Variants in GMDS observed in about 807,000 individuals in gnomAD.
GMDS encodes GDP-mannose 4,6-dehydratase, also known as GDP-mannose 4,6 dehydratase.
In GMDS, 20 loss-of-function variants were observed where a neutral mutation model predicts 49.9. The ratio of observed to expected loss-of-function variants is 0.40; its 90% CI spans 0.28 to 0.58. The LOEUF (loss-of-function observed/expected upper bound fraction) is 0.58, where lower values mean the gene tolerates loss of function less well. Among genes scored for constraint, GMDS ranks in the 20% least tolerant of loss-of-function variants. The probability of loss-of-function intolerance (pLI) is 0.42; values close to 1 mark genes in which losing one functional copy is unlikely to be tolerated. For missense variants in GMDS, 362 were observed against 481.4 expected (o/e 0.75, Z 2.32); for synonymous variants, 177 against 178.6 (o/e 0.99, Z 0.07).
intron 4 of GMDS, among the ~76,000 whole-genome samples, chr6:2,088,446 C>T (rs144611912): frequency 2.6e-5 from 4 of 152,154 alleles, no homozygotes; most frequent in Non-Finnish European, 5.9e-5. Flanking sequence ...TAATGAACCA[C>T]CAGTGAATGC....
chr6:1,799,321 A>C (rs1769856991), intron 7 of GMDS, among the ~76,000 whole-genome samples: 1 of 152,196 alleles, frequency 6.6e-6, no homozygotes, highest in African/African-American at 2.4e-5. Context: ...TATGGATTTA[A>C]TCTCTAACGA....
chr6:1,951,865 T>C, intron 6 of GMDS: 2 of 982,770 alleles, frequency 2.0e-6, no homozygotes, highest in Non-Finnish European at 2.4e-6. Context: ...AGCAAACTAA[T>C]GGTCTTTTAC....
chr6:2,189,495 C>A (rs577226405), intron 1 of GMDS, among the ~76,000 whole-genome samples: 10 of 152,256 alleles, frequency 6.6e-5, no homozygotes, highest in Middle Eastern at 3.4e-3. Flanking sequence ...TGTCCTCCCC[C>A]AAAAGTCCCA....
In GMDS at chr6:1,766,754, C is replaced by A. The variant is rs1451246643; in HGVS notation, c.772-24168G>T. Among the ~76,000 whole-genome samples the A allele has an allele frequency of 2.0e-5, 3 of 152,178 alleles. No homozygotes were observed. The East Asian group carries it at 5.8e-4, about 29-fold the overall frequency. ...CTGCTTACACGGAGGAGCTGCACAT[C>A]GAACATGCTAAAAACTGCGTTATGT... On this transcript the variant is annotated intron_variant, in intron 7 of 10. Coordinates refer to ENST00000380815, the MANE Select transcript of GMDS (RefSeq NM_001500.4). The surrounding 1 kb of genome is among the most constrained non-coding windows in gnomAD (Gnocchi z 4.5).
At chr6:1,631,056 G>A (rs578037121) in intron 9 of GMDS, among the ~76,000 whole-genome samples, 1 of 152,304 alleles carries the variant, frequency 6.6e-6, no homozygotes, top group South Asian at 2.1e-4. Flanking sequence ...GAAGGAGGTG[G>A]CAAAACCCCG....
At chr6:2,198,358 G>T (rs1018350734) in intron 1 of GMDS, among the ~76,000 whole-genome samples, 40 of 152,164 alleles carry the variant, frequency 2.6e-4, no homozygotes, top group African/African-American at 8.9e-4. Flanking sequence ...AAAAATATTT[G>T]TTAGGAAATG....
chr6:1,988,439 T>C (rs2127358288), intron 4 of GMDS, among the ~76,000 whole-genome samples: 1 of 152,118 alleles, frequency 6.6e-6, no homozygotes, highest in East Asian at 1.9e-4. Context: ...CTCCTCCCTT[T>C]GGGATGAAAG....
rs147952668 is a variant in GMDS, at chr6:2,206,634, T to C, written c.102+38687A>G. 9.2e-5 allele frequency among the ~76,000 whole-genome samples: 14 copies of C among 152,322 alleles called. No individual in the cohort carries two copies. The East Asian group carries it at 2.5e-3, about 27-fold the overall frequency. ...GAGTATCAAGATGCAGAAGACCATATAGCAGTGGTTCTTAAACTTTAGGCT... is the reference window on the plus strand; with the variant it reads ...GAGTATCAAGATGCAGAAGACCATACAGCAGTGGTTCTTAAACTTTAGGCT... On this transcript the variant is annotated intron_variant, in intron 1 of 10. Coordinates refer to ENST00000380815, the MANE Select transcript of GMDS (RefSeq NM_001500.4).
At chr6:1,870,940 T>C (rs1257255785) in intron 7 of GMDS, among the ~76,000 whole-genome samples, 2 of 152,190 alleles carry the variant, frequency 1.3e-5, no homozygotes, top group East Asian at 1.9e-4. Flanking sequence ...CTGGGTCTGC[T>C]GCAGACATTT....
At chr6:2,044,080 T>C (rs930349392) in intron 4 of GMDS, among the ~76,000 whole-genome samples, 3 of 152,148 alleles carry the variant, frequency 2.0e-5, no homozygotes, top group African/African-American at 7.2e-5. Context: ...CTGGCAAGGT[T>C]GTGGAGAAAA....
rs1466141866 is a variant in GMDS, at chr6:1,906,207, T to A, written c.771+23896A>T. 4.6e-5 allele frequency among the ~76,000 whole-genome samples: 7 copies of A among 152,308 alleles called. No homozygotes were observed. In the East Asian group the frequency reaches 1.4e-3, roughly 29 times the overall value. ...GCTGGCTGCATGGCATATGTATATA[T>A]GTATATAAGCCATCCTACATATGCA... On this transcript the variant is annotated intron_variant, in intron 7 of 10. Transcript: ENST00000380815.
At chr6:1,896,365 T>G (rs3823279) in intron 7 of GMDS, among the ~76,000 whole-genome samples, 14,318 of 152,182 alleles carry the variant, frequency 0.094, 852 homozygotes, top group South Asian at 0.16. Context: ...CATAACATTC[T>G]TGAGGAACTT....
intron 1 of GMDS, among the ~76,000 whole-genome samples, chr6:2,236,048 G>A (rs1374570956): frequency 6.6e-6 from 1 of 152,164 alleles, no homozygotes; most frequent in African/African-American, 2.4e-5. Flanking sequence ...TTTCTCTCTG[G>A]AGCAGATGGA....
chr6:1,823,468 C>T (rs1421488424), intron 7 of GMDS, among the ~76,000 whole-genome samples: 4 of 152,172 alleles, frequency 2.6e-5, no homozygotes, highest in Non-Finnish European at 5.9e-5. Flanking sequence ...TGTTCTTACA[C>T]AGCTGAGCAC....
intron 1 of GMDS, among the ~76,000 whole-genome samples, chr6:2,228,921 C>G (rs913717234): frequency 6.6e-6 from 1 of 152,174 alleles, no homozygotes; most frequent in Non-Finnish European, 1.5e-5. Flanking sequence ...GGCAGCCAGG[C>G]TCTGGGCAGC....
chr6:2,224,522 A>G (rs1780734393), intron 1 of GMDS, among the ~76,000 whole-genome samples: 1 of 152,246 alleles, frequency 6.6e-6, no homozygotes, highest in African/African-American at 2.4e-5. Context: ...AGAAATACAT[A>G]TATTCTAAAG....
intron 1 of GMDS, among the ~76,000 whole-genome samples, chr6:2,232,102 G>T (rs1436989284): frequency 6.6e-6 from 1 of 151,774 alleles, no homozygotes; most frequent in African/African-American, 2.4e-5. Context: ...ATAATTTGGT[G>T]AGTGTTCTTT....
At chr6:1,701,006 G>A (rs558111157) in intron 9 of GMDS, among the ~76,000 whole-genome samples, 1 of 152,322 alleles carries the variant, frequency 6.6e-6, no homozygotes, top group Admixed American at 6.5e-5. Context: ...GATGCCGCCG[G>A]GGTGACAAAC....
At chr6:1,713,190 C>T (rs1042919857) in intron 9 of GMDS, among the ~76,000 whole-genome samples, 10 of 152,252 alleles carry the variant, frequency 6.6e-5, no homozygotes, top group Admixed American at 3.9e-4. Flanking sequence ...AGCGGGTGGG[C>T]GCTAGCCTTT....
Sources: gnomAD v4.1 joint callset for allele counts (sites outside exome capture counted in the v4.1 genomes callset) on GRCh38, gnomAD v4.1.1 for gene constraint, Gnocchi (gnomAD v3.1) non-coding constraint, MANE v1.5 for transcripts, NCBI Gene and HGNC (gene_info 2026-07-23, HGNC 2026-07-21) for gene names.